MKLN1: variants seen among roughly 807,000 people sequenced by gnomAD.
MKLN1 encodes the protein muskelin 1.
MKLN1 carries 18 observed loss-of-function variants against 99.0 expected under a neutral mutation model. That is an observed-to-expected ratio of 0.18 (90% CI 0.13 to 0.27). MKLN1 has a LOEUF of 0.27. Ranked by LOEUF, MKLN1 falls within the 10% of genes least tolerant of loss-of-function variation. The probability of loss-of-function intolerance (pLI) is 1.00; values close to 1 mark genes in which losing one functional copy is unlikely to be tolerated. For missense variants in MKLN1, 621 were observed against 875.9 expected (o/e 0.71, Z 3.67); for synonymous variants, 288 against 293.2 (o/e 0.98, Z 0.18).
At chr7:131,203,348 A>G (rs1796758870) in intron 3 of MKLN1, among the ~76,000 whole-genome samples, 1 of 152,184 alleles carries the variant, frequency 6.6e-6, no homozygotes, top group South Asian at 2.1e-4. Context: ...TTCATGATCT[A>G]AGTAATTCTG....
At chr7:131,397,034 A>G (rs1198454928) in intron 4 of MKLN1, among the ~76,000 whole-genome samples, 5 of 152,204 alleles carry the variant, frequency 3.3e-5, no homozygotes, top group African/African-American at 1.2e-4. Context: ...AGACATGTGC[A>G]CATTTTTAAT....
At chr7:131,417,733 A>G (rs908727684) in intron 8 of MKLN1, among the ~76,000 whole-genome samples, 1 of 152,200 alleles carries the variant, frequency 6.6e-6, no homozygotes, top group African/African-American at 2.4e-5. Context: ...TTGATATCTT[A>G]GTACAGAAAT....
At chr7:131,402,756 G>A (rs894792221) in intron 6 of MKLN1, among the ~76,000 whole-genome samples, 1 of 152,218 alleles carries the variant, frequency 6.6e-6, no homozygotes, top group African/African-American at 2.4e-5. Flanking sequence ...TCAGTGAGCA[G>A]TAATATTTTG....
At chr7:131,409,700 G>T (rs1794815421) in intron 6 of MKLN1, among the ~76,000 whole-genome samples, 1 of 152,170 alleles carries the variant, frequency 6.6e-6, no homozygotes, top group African/African-American at 2.4e-5. Flanking sequence ...ACATGACAGA[G>T]TTTAATAGTA....
chr7:131,321,257 A>AAT (rs3078591), intron 3 of MKLN1, among the ~76,000 whole-genome samples: 84,568 of 151,862 alleles, frequency 0.56, 24,258 homozygotes, highest in East Asian at 0.7. Context: ...CTATAAAAAA[A>AAT]GAGTTCATGT....
At chr7:131,235,829 G>A (rs367563583) in intron 3 of MKLN1, among the ~76,000 whole-genome samples, 2 of 152,256 alleles carry the variant, frequency 1.3e-5, no homozygotes, top group East Asian at 1.9e-4. Flanking sequence ...GCATCCATTT[G>A]TTCAGCTACA....
chr7:131,144,955 CAA>C (rs1473769086), intron 2 of MKLN1, among the ~76,000 whole-genome samples: 1 of 152,200 alleles, frequency 6.6e-6, no homozygotes, highest in African/African-American at 2.4e-5. Context: ...CCAGCCTGGG[CAA>C]CAGGATTGAA....
At chr7:131,451,924 G>A (rs559274375) in intron 12 of MKLN1, among the ~76,000 whole-genome samples, 3 of 152,226 alleles carry the variant, frequency 2.0e-5, no homozygotes, top group South Asian at 2.1e-4. Context: ...TCTCCTGTTC[G>A]TATTCATTCA....
intron 1 of MKLN1, among the ~76,000 whole-genome samples, chr7:131,364,540 G>A (rs80023522): frequency 3.6e-4 from 55 of 151,854 alleles, no homozygotes; most frequent in African/African-American, 1.2e-3. Flanking sequence ...GTGTTATGGG[G>A]GCTTGTTGTA....
intron 3 of MKLN1, among the ~76,000 whole-genome samples, chr7:131,241,111 G>T (rs2116493744): frequency 6.6e-6 from 1 of 152,228 alleles, no homozygotes; most frequent in Middle Eastern, 3.4e-3. Flanking sequence ...CTCCTTAGCA[G>T]GCTAGGCTGT....
chr7:131,478,334 G>T, intron 16 of MKLN1: 1 of 301,164 alleles, frequency 3.3e-6, no homozygotes, highest in Non-Finnish European at 6.0e-6. Context: ...TTATTTTGTT[G>T]TGCTGTTGTT....
chr7:131,236,130 A>T (rs1034919298), intron 3 of MKLN1, among the ~76,000 whole-genome samples: 3 of 152,226 alleles, frequency 2.0e-5, no homozygotes, highest in African/African-American at 7.2e-5. Flanking sequence ...TGTAAGTAGT[A>T]AGTAAAATGT....
At chr7:131,144,073 A>G (rs1391443825) in intron 2 of MKLN1, among the ~76,000 whole-genome samples, 3 of 152,176 alleles carry the variant, frequency 2.0e-5, no homozygotes, top group East Asian at 3.8e-4. Flanking sequence ...CCTAGAATGT[A>G]AGCATTATGA....
At position 131,429,162 on chromosome 7, in the gene MKLN1, T is replaced by C; in HGVS notation, c.960+17T>C. ...GAAAAAGAGGCAAGTTCTCAGACTT[T>C]TCATACATCTATATTACAGAAGGGG... is the stretch of plus-strand genomic sequence containing the variant. On this transcript the variant is annotated intron_variant, in intron 9 of 17. Transcript: ENST00000352689. The C allele has an allele frequency of 6.5e-7, 1 of 1,542,108 alleles. No homozygotes were observed. The highest frequency in any genetic ancestry group is 9.0e-7 in the Non-Finnish European group (1 of 1,115,734).
chr7:131,137,130 G>C (rs1034696038), intron 1 of MKLN1, among the ~76,000 whole-genome samples: 2 of 152,140 alleles, frequency 1.3e-5, no homozygotes, highest in Non-Finnish European at 2.9e-5. Flanking sequence ...AGGGGTTACA[G>C]GTGCGAGCCA....
rs1183439818 is a variant in MKLN1 at position 131,480,405 on chromosome 7, ATAT to A, written c.2086+1729_2086+1731del. On this transcript the variant is annotated intron_variant, in intron 17 of 17. Transcript: ENST00000352689. Reference sequence around the variant, plus strand: ...CTGTACCTCAAAGAAAAAAGAGTATATATAATTCTGGTGCTTTTCACTGGGATG... The same window carrying A: ...CTGTACCTCAAAGAAAAAAGAGTATAAATTCTGGTGCTTTTCACTGGGATG... 2.6e-5 allele frequency among the ~76,000 whole-genome samples: 4 copies of A among 152,348 alleles called. No individual in the cohort carries two copies. The East Asian group carries it at 7.7e-4, about 29-fold the overall frequency.
chr7:131,246,004 C>A (rs116875447), intron 3 of MKLN1, among the ~76,000 whole-genome samples: 88 of 152,292 alleles, frequency 5.8e-4, no homozygotes, highest in South Asian at 3.7e-3. Flanking sequence ...AGCCAGGTGC[C>A]CTAGGGCCGC....
intron 3 of MKLN1, among the ~76,000 whole-genome samples, chr7:131,269,459 G>T (rs938032917): frequency 6.6e-6 from 1 of 152,182 alleles, no homozygotes. Flanking sequence ...ATTCCTGGGG[G>T]TTCTGCCCTC....
intron 2 of MKLN1, among the ~76,000 whole-genome samples, chr7:131,197,023 G>T (rs372471420): frequency 6.6e-6 from 1 of 152,120 alleles, no homozygotes; most frequent in Non-Finnish European, 1.5e-5. Context: ...AGTCTCCTAG[G>T]AATACTTTTC....
Sources: gnomAD v4.1 joint callset for allele counts (sites outside exome capture counted in the v4.1 genomes callset) on GRCh38, gnomAD v4.1.1 for gene constraint, MANE v1.5 for transcripts, NCBI Gene and HGNC (gene_info 2026-07-23, HGNC 2026-07-21) for gene names.